Variants in NALCN observed in about 807,000 individuals in gnomAD.
The protein encoded by NALCN is sodium leak channel, non-selective.
Under a neutral mutation model 225.3 loss-of-function variants are expected in NALCN, and 111 were observed. The observed-to-expected ratio is 0.49, with a 90% CI of 0.42 to 0.58. The LOEUF is 0.58. Among genes scored for constraint, NALCN ranks in the 20% least tolerant of loss-of-function variants. The probability of loss-of-function intolerance (pLI) is 0.00; values close to 1 mark genes in which losing one functional copy is unlikely to be tolerated. For missense variants in NALCN, 1,378 were observed against 2,202.4 expected, an observed-to-expected ratio of 0.63 and a Z score of 7.49; for synonymous variants, 764 against 769.0, an observed-to-expected ratio of 0.99 and a Z score of 0.11.
At chr13:101,391,513 T>C (rs918451833) in intron 3 of NALCN, among the ~76,000 whole-genome samples, 7 of 151,646 alleles carry the variant, frequency 4.6e-5, no homozygotes, top group Non-Finnish European at 1.0e-4. Flanking sequence ...CAAGACCCTG[T>C]CTCTAAAAAA....
At chr13:101,058,157 A>G in intron 42 of NALCN, 101 bp from the exon 43 acceptor site, 8 of 973,704 alleles carry the variant, frequency 8.2e-6, no homozygotes, top group Non-Finnish European at 1.2e-5. Flanking sequence ...ACAAGTGGGA[A>G]GAACAACATG....
At chr13:101,297,664 C>G (rs913372914) in intron 7 of NALCN, among the ~76,000 whole-genome samples, 12 of 152,356 alleles carry the variant, frequency 7.9e-5, no homozygotes, top group Admixed American at 6.5e-4. Flanking sequence ...CTTGCACCCC[C>G]TTTGCGTGAA....
intron 7 of NALCN, among the ~76,000 whole-genome samples, chr13:101,343,238 T>C (rs1000489773): frequency 3.3e-5 from 5 of 152,170 alleles, no homozygotes; most frequent in African/African-American, 1.2e-4. Flanking sequence ...TCAATCTAAA[T>C]TATAACGACC....
Position 101,341,988 on chromosome 13 carries a change from C to A in NALCN, c.799+3278G>T, listed in dbSNP as rs538178248. Among the ~76,000 whole-genome samples the A allele has an allele frequency of 3.5e-4, 53 of 152,318 alleles. 1 individual carries two copies. The highest frequency in any genetic ancestry group is 6.8e-3 in the Middle Eastern group (2 of 294). On this transcript the variant is annotated intron_variant, in intron 7 of 43. Coordinates refer to ENST00000251127, the MANE Select transcript of NALCN (RefSeq NM_052867.4). ...CTATGAACCAGGAAGTGAGCCTTCACCAGGCATGAAATCTGCTGCTGTCTT... is the reference window on the plus strand; with the variant it reads ...CTATGAACCAGGAAGTGAGCCTTCAACAGGCATGAAATCTGCTGCTGTCTT...
chr13:101,378,797 T>C (rs1456085335), intron 3 of NALCN, 144 bp from the exon 4 acceptor site: 7 of 533,414 alleles, frequency 1.3e-5, no homozygotes, highest in Non-Finnish European at 2.1e-5. Flanking sequence ...AAGGAATAAG[T>C]TTAGCATTTT....
chr13:101,305,602 C>T (rs1257988486), intron 7 of NALCN, among the ~76,000 whole-genome samples: 1 of 152,166 alleles, frequency 6.6e-6, no homozygotes, highest in African/African-American at 2.4e-5. Flanking sequence ...ATCTTATTTG[C>T]ACGACAAATT....
intron 19 of NALCN, among the ~76,000 whole-genome samples, 198 bp from the exon 20 acceptor site, chr13:101,110,886 G>A (rs893274170): frequency 6.6e-6 from 1 of 152,180 alleles, no homozygotes; most frequent in Non-Finnish European, 1.5e-5. Flanking sequence ...TTTTCCTTCT[G>A]ATCTTAAAGG....
At chr13:101,167,415 A>G (rs879776381) in intron 15 of NALCN, among the ~76,000 whole-genome samples, 1 of 152,204 alleles carries the variant, frequency 6.6e-6, no homozygotes, top group Non-Finnish European at 1.5e-5. Flanking sequence ...ATAAGTTGAA[A>G]ATACTGTAAA....
rs1166728490 is a variant in NALCN, at chr13:101,376,956, C to T, written c.476G>A (p.Arg159Gln). ...AATTCTGGTCCTTGGCAGTTCAAAT[C>T]GGAAATAAATCCGGAATGCTCGGAT... is the stretch of plus-strand genomic sequence containing the variant. ...IMIRAFRIYF[R>Q]FELPRTRITN... The change falls in exon 5 of 44, where the codon CGA becomes CAA. Residue 159 changes from arginine to glutamine, a missense_variant. By Grantham distance (43) the Arg-to-Gln change is conservative (BLOSUM62 1). Around this residue, in one of 19 missense-constraint regions of NALCN, gnomAD observed 146 missense variants for 205.9 expected, o/e 0.71. Coordinates refer to ENST00000251127, the MANE Select transcript of NALCN (RefSeq NM_052867.4). 4.3e-6 allele frequency: 7 copies of T among 1,614,038 alleles called. No individual in the cohort carries two copies. Among genetic ancestry groups the T allele is most frequent in the South Asian group, 1.1e-5 (1 of 91,086 alleles).
intron 14 of NALCN, among the ~76,000 whole-genome samples, chr13:101,186,732 C>T (rs17621925): frequency 0.12 from 18,111 of 151,944 alleles, 1,482 homozygotes; most frequent in African/African-American, 0.22. Context: ...ATATTCTAAA[C>T]CTTGCAGTTT....
chr13:101,064,267 CA>C (rs998851616), intron 40 of NALCN, among the ~76,000 whole-genome samples: 18 of 152,082 alleles, frequency 1.2e-4, no homozygotes, highest in Non-Finnish European at 2.4e-4. Context: ...TGACACATTT[CA>C]AAGAGTGATT....
At chr13:101,088,287 G>A (rs2034030883) in intron 30 of NALCN, among the ~76,000 whole-genome samples, 2 of 152,130 alleles carry the variant, frequency 1.3e-5, no homozygotes, top group African/African-American at 4.8e-5. Context: ...CTCACGTTGA[G>A]CCTGAGGACA....
chr13:101,144,688 T>C lies in NALCN; in HGVS notation c.1976+72A>G, dbSNP rs944956573. On this transcript the variant is annotated intron_variant, in intron 16 of 43. Coordinates refer to ENST00000251127, the MANE Select transcript of NALCN (RefSeq NM_052867.4). ...AACCCACATATACTTAAAAGAAGGG[T>C]TAAATCAGATTTAAGATGATGAATC... 4 of 1,506,612 alleles carry C rather than the reference T, an allele frequency of 2.7e-6. No individual in the cohort carries two copies. In the African/African-American group the frequency reaches 5.6e-5, roughly 21 times the overall value. The allele number at this position is 1,506,612 out of a possible 1,614,324, so 93.3% of individuals were successfully genotyped here. A position where few individuals can be genotyped will look rare whatever the true frequency, so the allele number is the denominator to read the frequency against.
intron 2 of NALCN, among the ~76,000 whole-genome samples, chr13:101,395,684 C>T (rs958730813): frequency 6.6e-6 from 1 of 152,162 alleles, no homozygotes; most frequent in Non-Finnish European, 1.5e-5. Context: ...CATCTGATAA[C>T]CTCCTGGGCA....
At chr13:101,160,101 C>T (rs1354336860) in intron 15 of NALCN, among the ~76,000 whole-genome samples, 3 of 151,990 alleles carry the variant, frequency 2.0e-5, no homozygotes, top group East Asian at 3.9e-4. Context: ...ACTACAGGTA[C>T]ACACCACCAT....
intron 7 of NALCN, among the ~76,000 whole-genome samples, chr13:101,302,515 T>C (rs1230967253): frequency 6.6e-6 from 1 of 152,086 alleles, no homozygotes; most frequent in Non-Finnish European, 1.5e-5. Flanking sequence ...TTTAAATAAA[T>C]GTGAGATAAG....
chr13:101,176,910 C>T (rs939384242), intron 14 of NALCN, among the ~76,000 whole-genome samples: 2 of 152,172 alleles, frequency 1.3e-5, no homozygotes, highest in East Asian at 3.9e-4. Flanking sequence ...TGTGTAGTTC[C>T]CTTCCACACT....
Position 101,095,086 on chromosome 13 carries a change from T to C in NALCN, c.3269+488A>G, listed in dbSNP as rs559655868. Among the ~76,000 whole-genome samples, 4 of 152,300 alleles carry C rather than the reference T, an allele frequency of 2.6e-5. No homozygotes were observed. In the East Asian group the frequency reaches 7.7e-4, roughly 29 times the overall value. On this transcript the variant is annotated intron_variant, in intron 28 of 43. Transcript: ENST00000251127. The stretch of plus-strand genomic sequence containing the variant: ...AGAAAAAGGAATATTAAAGGGAAAG[T>C]TAGAAGCAATCAACTGTGTCACTGA...
At chr13:101,160,172 T>C (rs1448263926) in intron 15 of NALCN, among the ~76,000 whole-genome samples, 6 of 152,152 alleles carry the variant, frequency 3.9e-5, no homozygotes, top group South Asian at 4.1e-4. Context: ...GCCAGGATGG[T>C]CTCGATCTCC....
Sources: allele counts gnomAD v4.1 joint callset (sites outside exome capture counted in the v4.1 genomes callset), GRCh38; gene constraint gnomAD v4.1.1; regional missense constraint gnomAD v4.1.1; transcripts MANE v1.5; gene names NCBI Gene and HGNC (gene_info 2026-07-23, HGNC 2026-07-21).